ITGAM: variants seen among roughly 807,000 people sequenced by gnomAD.
ITGAM encodes the protein integrin alpha-M.
In ITGAM, 79 loss-of-function variants were observed where a neutral mutation model predicts 137.5. The observed-to-expected ratio is 0.57, with a 90% CI of 0.48 to 0.69. The LOEUF (loss-of-function observed/expected upper bound fraction) is 0.69, where lower values mean the gene tolerates loss of function less well. Among genes scored for constraint, ITGAM ranks in the 30% least tolerant of loss-of-function variants. The pLI, the probability that ITGAM is intolerant of heterozygous loss-of-function variation, is 0.00. For missense variants in ITGAM, 1,343 were observed against 1,483.5 expected, an observed-to-expected ratio of 0.91 and a Z score of 1.56; for synonymous variants, 583 against 592.3, an observed-to-expected ratio of 0.98 and a Z score of 0.23.
At chr16:31,261,307 A>G (rs1468800866) in intron 1 of ITGAM, among the ~76,000 whole-genome samples, 1 of 150,386 alleles carries the variant, frequency 6.6e-6, no homozygotes. Flanking sequence ...GGTTCAAGCA[A>G]TCCTCCCACC....
rs770630528 is a variant in ITGAM, at chr16:31,297,751, C to A, written c.1504C>A (p.Arg502=). The change falls in exon 14 of 30, where the codon CGG becomes AGG. Residue 502 remains arginine, a synonymous_variant. Coordinates refer to ENST00000544665, the MANE Select transcript of ITGAM (RefSeq NM_000632.4). ...SVCPLPRGRA[R]WQCDAVLYGE... ...TACTGTTTGTGTTTAGCAGAGGGCT[C>A]GGTGGCAGTGTGATGCTGTTCTCTA... The A allele has an allele frequency of 6.3e-7, 1 of 1,595,176 alleles. No individual in the cohort carries two copies.
At chr16:31,325,728 T>C in intron 21 of ITGAM, 106 bp downstream of exon 21, 3 of 1,352,192 alleles carry the variant, frequency 2.2e-6, no homozygotes, top group Non-Finnish European at 3.0e-6. Flanking sequence ...CAAAACAGCT[T>C]TATTGAGATA....
At position 31,330,111 on chromosome 16, in the gene ITGAM, C is replaced by G; in HGVS notation, c.3007C>G (p.Arg1003Gly). Residue 1003 changes from arginine (R) to glycine (G), a missense_variant, in exon 26 of 30, where the codon CGC becomes GGC. Physicochemically the swap from Arg to Gly is moderately radical, Grantham distance 125. Transcript: ENST00000544665. ...CTCGAGTACGTGCCACACCAAGGAG[C>G]GCTTGCCCTCTCACTCCGACTTTCT... ...NLSSTCHTKE[R>G]LPSHSDFLAE... The G allele has an allele frequency of 1.2e-6, 2 of 1,613,830 alleles. No individual in the cohort carries two copies. The highest frequency in any genetic ancestry group is 1.7e-5 in the Admixed American group (1 of 59,992).
At chr16:31,262,334 T>TCCTTC (rs1158206789) in intron 2 of ITGAM, among the ~76,000 whole-genome samples, 1 of 66,890 alleles carries the variant, frequency 1.5e-5, no homozygotes, top group African/African-American at 8.5e-5. Flanking sequence ...TTCCCTCCCT[T>TCCTTC]CCATCCTTCC....
intron 16 of ITGAM, among the ~76,000 whole-genome samples, chr16:31,323,432 A>G (rs1009991717): frequency 6.6e-6 from 1 of 152,058 alleles, no homozygotes; most frequent in African/African-American, 2.4e-5. Context: ...ATTTCAAAAA[A>G]AAAAAAAAAA....
chr16:31,265,993 G>A (rs1157836473), intron 4 of ITGAM, 37 bp from the exon 5 acceptor site: 7 of 1,596,414 alleles, frequency 4.4e-6, no homozygotes, highest in Non-Finnish European at 5.1e-6. Flanking sequence ...AGGACAGGAA[G>A]CAGGGGCAGC....
Position 31,278,049 on chromosome 16 carries a change from A to G in ITGAM, c.1296A>G (p.Val432=), listed in dbSNP as rs1222879392. 6.2e-7 allele frequency: 1 copy of G among 1,608,134 alleles called. No individual in the cohort carries two copies. The change falls in exon 12 of 30, where the codon GTA becomes GTG. Residue 432 remains valine (V), a synonymous_variant. Coordinates refer to ENST00000544665, the MANE Select transcript of ITGAM (RefSeq NM_000632.4). Reference sequence around the variant, plus strand: ...CTCGATATCAGCACATCGGCCTGGTAGCGATGTTCAGGCAGAACACTGGCA... The same window carrying G: ...CTCGATATCAGCACATCGGCCTGGTGGCGATGTTCAGGCAGAACACTGGCA... ...GAPRYQHIGL[V]AMFRQNTGMW...
chr16:31,324,839 T>A lies in ITGAM; in HGVS notation c.2289+57T>A, dbSNP rs915742204. On this transcript the variant is annotated intron_variant, in intron 18 of 29. Transcript: ENST00000544665. The surrounding 1 kb of genome is among the most constrained non-coding windows in gnomAD (Gnocchi z 4.5). ...TGGAAGAGACCAGAGACCAAGGTGG[T>A]TGAAACTCATTTTATTTGATTGCAT... 1 of 1,556,018 alleles carries A rather than the reference T, an allele frequency of 6.4e-7. No individual in the cohort carries two copies. The highest frequency in any genetic ancestry group is 1.4e-5 in the African/African-American group (1 of 72,830).
intron 14 of ITGAM, among the ~76,000 whole-genome samples, chr16:31,304,731 T>C (rs887655800): frequency 2.6e-5 from 4 of 152,138 alleles, no homozygotes; most frequent in Non-Finnish European, 5.9e-5. Flanking sequence ...TTTCCCAATT[T>C]ATGTTTTTGT....
chr16:31,319,430 T>C (rs1308132039), intron 14 of ITGAM, among the ~76,000 whole-genome samples: 1 of 152,186 alleles, frequency 6.6e-6, no homozygotes, highest in Non-Finnish European at 1.5e-5. Flanking sequence ...TTATATAATA[T>C]CATTATTTGT....
intron 12 of ITGAM, among the ~76,000 whole-genome samples, chr16:31,294,739 G>T (rs938016515): frequency 1.3e-5 from 2 of 151,980 alleles, no homozygotes; most frequent in Admixed American, 6.6e-5. Flanking sequence ...CACCCCATTT[G>T]TCTGGTTTGC....
intron 16 of ITGAM, among the ~76,000 whole-genome samples, chr16:31,321,879 C>T (rs2080454915): frequency 6.6e-6 from 1 of 152,128 alleles, no homozygotes; most frequent in African/African-American, 2.4e-5. Flanking sequence ...AGGCCCCATG[C>T]CTGTGAACAA....
rs370133643 is a variant in ITGAM, at chr16:31,266,044, C to T, written c.324C>T (p.Thr108=). ...CTGTCCCCTAGGCCTGTGGTCCCAC[C>T]GTGCACCAGACTTGCAGTGAGAACA... ...SPPQLLACGP[T]VHQTCSENTY... The change falls in exon 5 of 30, where the codon ACC becomes ACT. Residue 108 remains threonine, a synonymous_variant. Coordinates refer to ENST00000544665, the MANE Select transcript of ITGAM (RefSeq NM_000632.4). The T allele has an allele frequency of 2.2e-5, 36 of 1,613,596 alleles. No homozygotes were observed. The highest frequency in any genetic ancestry group is 2.2e-4 in the East Asian group (10 of 44,888).
At chr16:31,296,254 G>A (rs936326741) in intron 12 of ITGAM, among the ~76,000 whole-genome samples, 25 of 147,800 alleles carry the variant, frequency 1.7e-4, no homozygotes, top group African/African-American at 5.8e-4. Flanking sequence ...ATAGGCGCCC[G>A]CCACCATGCC....
At chr16:31,267,685 C>T (rs1360128504) in intron 5 of ITGAM, among the ~76,000 whole-genome samples, 1 of 151,794 alleles carries the variant, frequency 6.6e-6, no homozygotes, top group East Asian at 1.9e-4. Flanking sequence ...CAGGGTCTTG[C>T]TCTGTCACCT....
intron 1 of ITGAM, among the ~76,000 whole-genome samples, chr16:31,260,698 A>G (rs1335111484): frequency 6.6e-6 from 1 of 152,176 alleles, no homozygotes; most frequent in Non-Finnish European, 1.5e-5. Context: ...AGGTGCTCAG[A>G]AGGGAGGCTG....
rs2144492406 is a variant in ITGAM at position 31,324,802 on chromosome 16, C to A, written c.2289+20C>A. On this transcript the variant is annotated intron_variant, in intron 18 of 29. Coordinates refer to ENST00000544665, the MANE Select transcript of ITGAM (RefSeq NM_000632.4). This position sits in a 1 kb window ranked among gnomAD's most constrained non-coding sequence, Gnocchi z 4.5. The stretch of plus-strand genomic sequence containing the variant: ...GCCTTGGTGAGTCCAGAGTTGGGGT[C>A]CTGCAGGGGTGTGGAAGAGACCAGA... 1.3e-6 allele frequency: 2 copies of A among 1,547,784 alleles called. No individual in the cohort carries two copies. Among genetic ancestry groups the A allele is most frequent in the Non-Finnish European group, 8.7e-7 (1 of 1,150,140 alleles).
At chr16:31,264,356 A>G (rs2079739971) in intron 2 of ITGAM, among the ~76,000 whole-genome samples, 1 of 152,126 alleles carries the variant, frequency 6.6e-6, no homozygotes, top group South Asian at 2.1e-4. Flanking sequence ...TTGAGACAGG[A>G]GGAATGCTTG....
Position 31,276,804 on chromosome 16 carries a change from G to T in ITGAM, c.1083+60G>T, listed in dbSNP as rs958077122. 8.3e-6 allele frequency: 13 copies of T among 1,562,264 alleles called. No individual in the cohort carries two copies. In the Admixed American group the frequency reaches 1.6e-4, roughly 20 times the overall value. ...CAGGGGGTAGCAAGAAGAGATAGGA[G>T]AGATGTGGGGGTTTGGGGACTCTTC... On this transcript the variant is annotated intron_variant, in intron 10 of 29. Coordinates refer to ENST00000544665, the MANE Select transcript of ITGAM (RefSeq NM_000632.4).
Sources: gnomAD v4.1 joint callset for allele counts (sites outside exome capture counted in the v4.1 genomes callset) on GRCh38, gnomAD v4.1.1 for gene constraint, Gnocchi (gnomAD v3.1) non-coding constraint, MANE v1.5 for transcripts, NCBI Gene and HGNC (gene_info 2026-07-23, HGNC 2026-07-21) for gene names.